The following COLQ variants were observed in gnomAD, a reference collection of about 807,000 sequenced individuals.
COLQ encodes collagen like tail subunit of asymmetric acetylcholinesterase.
Under a neutral mutation model 69.0 loss-of-function variants are expected in COLQ, and 48 were observed. The ratio of observed to expected loss-of-function variants is 0.70; its 90% CI spans 0.55 to 0.88. The LOEUF (loss-of-function observed/expected upper bound fraction) is 0.88, where lower values mean the gene tolerates loss of function less well. Among genes scored for constraint, COLQ ranks in the 40% least tolerant of loss-of-function variants. COLQ has a pLI of 0.00. For missense variants in COLQ, 618 were observed against 594.6 expected (o/e 1.04, Z -0.41); for synonymous variants, 217 against 211.2 (o/e 1.03, Z -0.24).
At chr3:15,470,943 C>T (rs1233359083) in intron 10 of COLQ, among the ~76,000 whole-genome samples, 2 of 152,222 alleles carry the variant, frequency 1.3e-5, no homozygotes, top group African/African-American at 4.8e-5. Context: ...GCTGGGGCAT[C>T]CAGCACAGCA....
chr3:15,457,126 G>T (rs369038061), intron 13 of COLQ, among the ~76,000 whole-genome samples: 2 of 151,636 alleles, frequency 1.3e-5, no homozygotes, highest in African/African-American at 2.4e-5. Flanking sequence ...GCCCGGCCTC[G>T]GATTTAACAT....
At chr3:15,475,797 T>C (rs960097534) in intron 6 of COLQ, among the ~76,000 whole-genome samples, 1 of 152,118 alleles carries the variant, frequency 6.6e-6, no homozygotes, top group African/African-American at 2.4e-5. Flanking sequence ...GAGAGAGTAG[T>C]GGAGGGGGCA....
chr3:15,498,469 C>A (rs181731589), intron 1 of COLQ: 12 of 1,442,632 alleles, frequency 8.3e-6, no homozygotes, highest in Non-Finnish European at 1.0e-5. Flanking sequence ...GCATGTGCAT[C>A]CACACACACA....
At position 15,507,695 on chromosome 3, in the gene COLQ, T is replaced by C. The variant is rs577011149; in HGVS notation, c.106+13825A>G. On this transcript the variant is annotated intron_variant, in intron 1 of 16. Coordinates refer to ENST00000383788, the MANE Select transcript of COLQ (RefSeq NM_005677.4). ...GTCTCAAACACTTGGGCTCAAGTGATCTGCTAGCCTCAGCCTCCCAAAGTG... is the reference window on the plus strand; with the variant it reads ...GTCTCAAACACTTGGGCTCAAGTGACCTGCTAGCCTCAGCCTCCCAAAGTG... 5.3e-5 allele frequency among the ~76,000 whole-genome samples: 8 copies of C among 152,350 alleles called. No individual in the cohort carries two copies. The South Asian group carries it at 1.5e-3, about 28-fold the overall frequency.
chr3:15,455,951 C>A lies in COLQ; in HGVS notation c.1143G>T (p.Gln381His). ...QHGTCGDGLL[Q>H]PGEECDDGNS... ...TACCGTCGTCACACTCCTCCCCAGGCTGCAGGAGCCCATCCCCACAGGTGC... is the reference window on the plus strand; with the variant it reads ...TACCGTCGTCACACTCCTCCCCAGGATGCAGGAGCCCATCCCCACAGGTGC... The change falls in exon 15 of 17, where the codon CAG (glutamine) becomes CAT (histidine). Residue 381 changes from glutamine to histidine, a missense_variant. Physicochemically the swap from Gln to His is conservative, Grantham distance 24. Transcript: ENST00000383788. The A allele has an allele frequency of 6.2e-7, 1 of 1,614,186 alleles. No individual in the cohort carries two copies. Among genetic ancestry groups the A allele is most frequent in the Middle Eastern group, 1.6e-4 (1 of 6,062 alleles).
chr3:15,504,658 A>C lies in COLQ; in HGVS notation c.107-15021T>G, dbSNP rs553024207. Among the ~76,000 whole-genome samples the C allele has an allele frequency of 5.3e-5, 8 of 152,326 alleles. No individual in the cohort carries two copies. In the South Asian group the frequency reaches 1.7e-3, roughly 32 times the overall value. On this transcript the variant is annotated intron_variant, in intron 1 of 16. Coordinates refer to ENST00000383788, the MANE Select transcript of COLQ (RefSeq NM_005677.4). ...TAGATCACTTGAGGTGAGGAGTTGG[A>C]GACCAGCCTGGCCAACATGGTGAAA...
intron 3 of COLQ, 129 bp downstream of exon 3, chr3:15,488,077 G>A: frequency 1.4e-6 from 1 of 699,168 alleles, no homozygotes; most frequent in East Asian, 2.6e-5. Flanking sequence ...TTTGGAGCAG[G>A]AAGTAAGCGA....
At chr3:15,517,194 G>A (rs1239853239) in intron 1 of COLQ, among the ~76,000 whole-genome samples, 1 of 152,058 alleles carries the variant, frequency 6.6e-6, no homozygotes, top group Non-Finnish European at 1.5e-5. Context: ...GGATAGGAGG[G>A]TAGCCTACAG....
At chr3:15,521,436 A>T in intron 1 of COLQ, 84 bp downstream of exon 1, 1 of 1,565,718 alleles carries the variant, frequency 6.4e-7, no homozygotes, top group East Asian at 2.3e-5. Context: ...TGGCAAAAAC[A>T]TCAGGACACA....
chr3:15,476,258 T>C lies in COLQ; in HGVS notation c.466-771A>G, dbSNP rs568335131. On this transcript the variant is annotated intron_variant, in intron 6 of 16. Transcript: ENST00000383788. ...TAAAATTTATAGTTGAAAAAGCAGA[T>C]TCATGCATTCAAGTTGCTCCAAACA... Among the ~76,000 whole-genome samples, 4 of 152,354 alleles carry C rather than the reference T, an allele frequency of 2.6e-5. No homozygotes were observed. In the South Asian group the frequency reaches 8.3e-4, roughly 32 times the overall value.
chr3:15,462,239 AG>A (rs2062129951), intron 12 of COLQ, among the ~76,000 whole-genome samples: 1 of 152,024 alleles, frequency 6.6e-6, no homozygotes, highest in Non-Finnish European at 1.5e-5. Flanking sequence ...CATGTTGGCC[AG>A]GCTGGTCTCA....
At chr3:15,490,664 T>C (rs2062651521) in intron 1 of COLQ, among the ~76,000 whole-genome samples, 1 of 152,228 alleles carries the variant, frequency 6.6e-6, no homozygotes. Context: ...ACATCGCTGA[T>C]GTTCATTGGG....
chr3:15,499,042 G>C (rs1237630886), intron 1 of COLQ, among the ~76,000 whole-genome samples: 4 of 151,074 alleles, frequency 2.6e-5, no homozygotes, highest in African/African-American at 9.7e-5. Flanking sequence ...GACCGTCCAA[G>C]GGGAGCCTGC....
intron 16 of COLQ, among the ~76,000 whole-genome samples, chr3:15,453,539 C>T (rs970489780): frequency 1.3e-5 from 2 of 152,144 alleles, no homozygotes; most frequent in African/African-American, 2.4e-5. Context: ...TTGGGGGCTG[C>T]TCATGCAGGG....
At chr3:15,516,809 G>A (rs1008403041) in intron 1 of COLQ, among the ~76,000 whole-genome samples, 1 of 152,172 alleles carries the variant, frequency 6.6e-6, no homozygotes, top group Admixed American at 6.6e-5. Context: ...TTTTGCTAGA[G>A]CTTTGGGCAT....
intron 3 of COLQ, among the ~76,000 whole-genome samples, chr3:15,481,373 T>TA (rs1272268262): frequency 6.6e-6 from 1 of 152,248 alleles, no homozygotes; most frequent in African/African-American, 2.4e-5. Flanking sequence ...CTTGAATTAA[T>TA]AAGGTATTAA....
At chr3:15,493,963 A>G (rs966752772) in intron 1 of COLQ, among the ~76,000 whole-genome samples, 19 of 152,314 alleles carry the variant, frequency 1.2e-4, no homozygotes, top group African/African-American at 4.3e-4. Context: ...CATGCTTGTA[A>G]TCCCAGCTAC....
chr3:15,465,179 C>CA (rs113243965), intron 12 of COLQ, among the ~76,000 whole-genome samples: 151,974 of 151,974 alleles, frequency 1, 75,987 homozygotes, highest in Non-Finnish European at 1. Flanking sequence ...GTCTTGAAAA[C>CA]AACATACAAG....
intron 5 of COLQ, chr3:15,478,699 G>T (rs2062422879): frequency 3.5e-6 from 2 of 569,490 alleles, no homozygotes; most frequent in South Asian, 2.0e-5. Context: ...ATGGTCTGGG[G>T]TTGGGGCGGG....
Sources: gnomAD v4.1 joint callset for allele counts (sites outside exome capture counted in the v4.1 genomes callset) on GRCh38, gnomAD v4.1.1 for gene constraint, MANE v1.5 for transcripts, NCBI Gene and HGNC (gene_info 2026-07-23, HGNC 2026-07-21) for gene names.